Variants in TUBB1 observed in about 807,000 individuals in gnomAD.
The protein encoded by TUBB1 is tubulin beta 1 class VI.
Under a neutral mutation model 22.6 loss-of-function variants are expected in TUBB1, and 28 were observed. That is an observed-to-expected ratio of 1.24 (90% CI 0.92 to 1.70). The LOEUF is 1.70. Ranked by LOEUF, TUBB1 falls within the 40% of genes most tolerant of loss-of-function variation. The probability of loss-of-function intolerance (pLI) is 0.00; values close to 1 mark genes in which losing one functional copy is unlikely to be tolerated. For synonymous variants in TUBB1, 226 were observed against 238.0 expected (o/e 0.95, Z 0.46); for missense variants, 577 against 605.5 (o/e 0.95, Z 0.49).
chr20:59,020,302 A>G (rs2091962078), intron 1 of TUBB1, among the ~76,000 whole-genome samples: 1 of 152,208 alleles, frequency 6.6e-6, no homozygotes, highest in Non-Finnish European at 1.5e-5. Flanking sequence ...CTCCTGCCTC[A>G]GCCTCCCCAG....
chr20:59,024,511 A>G lies in TUBB1; in HGVS notation c.1084A>G (p.Ser362Gly). 1 of 1,614,182 alleles carries G rather than the reference A, an allele frequency of 6.2e-7. No individual in the cohort carries two copies. The highest frequency in any genetic ancestry group is 8.5e-7 in the Non-Finnish European group (1 of 1,180,040). The change falls in exon 4 of 4, where the codon AGC (serine) becomes GGC (glycine). Residue 362 changes from serine to glycine, a missense_variant. Physicochemically the swap from Ser to Gly is moderately conservative, Grantham distance 56 (BLOSUM62 0). Coordinates refer to ENST00000217133, the MANE Select transcript of TUBB1 (RefSeq NM_030773.4). The surrounding 1 kb of genome is among the most constrained non-coding windows in gnomAD (Gnocchi z 4.9). ...AVCDIPPRGL[S>G]MAATFIGNNT... ...CTGCGACATCCCGCCCCGGGGGCTG[A>G]GCATGGCCGCCACCTTCATTGGCAA...
chr20:59,024,881 C>A lies in TUBB1; in HGVS notation c.*98C>A. 1 of 1,075,712 alleles carries A rather than the reference C, an allele frequency of 9.3e-7. No individual in the cohort carries two copies. The highest frequency in any genetic ancestry group is 1.4e-6 in the Non-Finnish European group (1 of 705,630). 66.6% of individuals were successfully genotyped at this position (1,075,712 alleles called of 1,614,324 possible). On this transcript the variant is annotated 3_prime_UTR_variant, in exon 4 of 4. Coordinates refer to ENST00000217133, the MANE Select transcript of TUBB1 (RefSeq NM_030773.4). The surrounding 1 kb of genome is among the most constrained non-coding windows in gnomAD (Gnocchi z 4.9). ...CTCCAAAACCCACTCTGCACTGCAG[C>A]ACAGTGAATGATATGCACTCACCAT...
In TUBB1 at chr20:59,025,442, A is replaced by C. The variant is rs980437742; in HGVS notation, c.*659A>C. 4 of 153,268 alleles carry C rather than the reference A, an allele frequency of 2.6e-5. No individual in the cohort carries two copies. The highest frequency in any genetic ancestry group is 9.6e-5 in the African/African-American group (4 of 41,478). The allele number at this position is 153,268 out of a possible 1,614,324, so 9.5% of individuals were successfully genotyped here. A position where few individuals can be genotyped will look rare whatever the true frequency, so the allele number is the denominator to read the frequency against. On this transcript the variant is annotated 3_prime_UTR_variant, in exon 4 of 4. Transcript: ENST00000217133. Reference sequence around the variant, plus strand: ...TCCACAAAAATACCTGGTCCAAACAAGAAAAACAAAAAGACAAGCAAAACT... The same window carrying C: ...TCCACAAAAATACCTGGTCCAAACACGAAAAACAAAAAGACAAGCAAAACT...
rs1172387434 is a variant in TUBB1 at position 59,026,624 on chromosome 20, G to C, written c.*1841G>C. The C allele has an allele frequency of 6.6e-6, 1 of 152,148 alleles. No individual in the cohort carries two copies. Among genetic ancestry groups the C allele is most frequent in the Admixed American group, 6.5e-5 (1 of 15,276 alleles). 9.4% of individuals were successfully genotyped at this position (152,148 alleles called of 1,614,324 possible). A position where few individuals can be genotyped will look rare whatever the true frequency, so the allele number is the denominator to read the frequency against. On this transcript the variant is annotated 3_prime_UTR_variant, in exon 4 of 4. Transcript: ENST00000217133. ...TAAATGGCAAAATTGCTTTATTTCAGACTAAATAAATTCCTTTTCTTGAAG... is the reference window on the plus strand; with the variant it reads ...TAAATGGCAAAATTGCTTTATTTCACACTAAATAAATTCCTTTTCTTGAAG...
At position 59,024,591 on chromosome 20, in the gene TUBB1, G is replaced by A; in HGVS notation, c.1164G>A (p.Met388Ile). 1 of 1,614,156 alleles carries A rather than the reference G, an allele frequency of 6.2e-7. No individual in the cohort carries two copies. Among genetic ancestry groups the A allele is most frequent in the Non-Finnish European group, 8.5e-7 (1 of 1,180,026 alleles). ...FNRVSEHFSAMFKRKAFVHWY... is the reference protein window; with the variant it reads ...FNRVSEHFSAIFKRKAFVHWY... ...GGGTCTCTGAGCATTTCTCAGCCAT[G>A]TTCAAAAGGAAAGCTTTTGTGCACT... The change falls in exon 4 of 4, where the codon ATG becomes ATA. Residue 388 changes from methionine to isoleucine, a missense_variant. Coordinates refer to ENST00000217133, the MANE Select transcript of TUBB1 (RefSeq NM_030773.4). The surrounding 1 kb of genome is among the most constrained non-coding windows in gnomAD (Gnocchi z 4.9).
At chr20:59,018,784 T>C (rs1175200203), upstream of TUBB1, among the ~76,000 whole-genome samples, 1 of 152,192 alleles carries the variant, frequency 6.6e-6, no homozygotes, top group Non-Finnish European at 1.5e-5. Flanking sequence ...ATGGCAAACA[T>C]TAAGACCCCA....
In TUBB1 at chr20:59,025,080, A is replaced by G. The variant is rs2091988251; in HGVS notation, c.*297A>G. Reference sequence around the variant, plus strand: ...CTTTGTTTCAAAGTGTTTGCCAGGCATCCAGACTACACGTGTGGATTTGCA... The same window carrying G: ...CTTTGTTTCAAAGTGTTTGCCAGGCGTCCAGACTACACGTGTGGATTTGCA... On this transcript the variant is annotated 3_prime_UTR_variant, in exon 4 of 4. Transcript: ENST00000217133. 1 of 429,326 alleles carries G rather than the reference A, an allele frequency of 2.3e-6. No homozygotes were observed. The highest frequency in any genetic ancestry group is 4.7e-5 in the East Asian group (1 of 21,166). The allele number at this position is 429,326 out of a possible 1,614,324, so 26.6% of individuals were successfully genotyped here.
rs1006626057 is a variant in TUBB1 at position 59,024,337 on chromosome 20, G to A, written c.910G>A (p.Asp304Asn). 2 of 1,613,782 alleles carry A rather than the reference G, an allele frequency of 1.2e-6. No homozygotes were observed. The highest frequency in any genetic ancestry group is 1.7e-6 in the Non-Finnish European group (2 of 1,179,780). The change falls in exon 4 of 4, where the codon GAC (aspartate) becomes AAC (asparagine). Residue 304 changes from aspartate to asparagine, a missense_variant. Coordinates refer to ENST00000217133, the MANE Select transcript of TUBB1 (RefSeq NM_030773.4). The surrounding 1 kb of genome is among the most constrained non-coding windows in gnomAD (Gnocchi z 4.9). ...FDARNTMAAC[D>N]LRRGRYLTVA... is the part of the protein sequence containing the mutation. ...TGCCCGCAATACCATGGCTGCCTGTGACCTCCGCCGTGGCCGCTACCTCAC... is the reference window on the plus strand; with the variant it reads ...TGCCCGCAATACCATGGCTGCCTGTAACCTCCGCCGTGGCCGCTACCTCAC...
At chr20:59,018,710 T>C (rs951238478), upstream of TUBB1, among the ~76,000 whole-genome samples, 8 of 152,184 alleles carry the variant, frequency 5.3e-5, no homozygotes, top group Non-Finnish European at 1.2e-4. Context: ...CACCCGGCTC[T>C]AAGGGAATAC....
intron 2 of TUBB1, 95 bp from the exon 3 acceptor site, chr20:59,023,394 GA>G (rs1315817311): frequency 8.7e-7 from 1 of 1,148,716 alleles, no homozygotes; most frequent in East Asian, 2.3e-5. Flanking sequence ...GAATATCCAT[GA>G]TTTTTTTTGG....
chr20:59,024,871 T>C lies in TUBB1; in HGVS notation c.*88T>C. ...TCCTGCAGCACTCCAAAACCCACTC[T>C]GCACTGCAGCACAGTGAATGATATG... On this transcript the variant is annotated 3_prime_UTR_variant, in exon 4 of 4. Transcript: ENST00000217133. The surrounding 1 kb of genome is among the most constrained non-coding windows in gnomAD (Gnocchi z 4.9). The C allele has an allele frequency of 1.7e-6, 2 of 1,170,676 alleles. No homozygotes were observed. The highest frequency in any genetic ancestry group is 2.5e-5 in the South Asian group (2 of 79,668). The allele number at this position is 1,170,676 out of a possible 1,614,324, so 72.5% of individuals were successfully genotyped here. A position where few individuals can be genotyped will look rare whatever the true frequency, so the allele number is the denominator to read the frequency against.
rs2091977857 is a variant in TUBB1, at chr20:59,023,544, ACAGCATT to A, written c.223_229del (p.Ser75AspfsTer5). ...GTGGACCTAGAACCTGGGACGATGG[ACAGCATT>A]CGATCTAGCAAATTAGGAGCTCTCT... is the stretch of plus-strand genomic sequence containing the variant. On this transcript the variant is annotated frameshift_variant, in exon 3 of 4. Coordinates refer to ENST00000217133, the MANE Select transcript of TUBB1 (RefSeq NM_030773.4). LOFTEE classifies it high-confidence loss of function. The A allele has an allele frequency of 6.2e-7, 1 of 1,614,084 alleles. No individual in the cohort carries two copies. Among genetic ancestry groups the A allele is most frequent in the African/African-American group, 1.3e-5 (1 of 74,916 alleles).
At chr20:59,023,143 C>G (rs534838426) in intron 2 of TUBB1, among the ~76,000 whole-genome samples, 190 bp downstream of exon 2, 1 of 152,152 alleles carries the variant, frequency 6.6e-6, no homozygotes, top group Non-Finnish European at 1.5e-5. Context: ...GGGGAAGGAG[C>G]TGCTGGATAT....
rs2091993191 is a variant in TUBB1 at position 59,026,129 on chromosome 20, A to T, written c.*1346A>T. The T allele has an allele frequency of 6.6e-6, 1 of 152,242 alleles. No individual in the cohort carries two copies. The highest frequency in any genetic ancestry group is 2.4e-5 in the African/African-American group (1 of 41,458). 9.4% of individuals were successfully genotyped at this position (152,242 alleles called of 1,614,324 possible). A position where few individuals can be genotyped will look rare whatever the true frequency, so the allele number is the denominator to read the frequency against. On this transcript the variant is annotated 3_prime_UTR_variant, in exon 4 of 4. Coordinates refer to ENST00000217133, the MANE Select transcript of TUBB1 (RefSeq NM_030773.4). ...CTCTTGATTTGCTTTTGTAATCAGC[A>T]ATAATAAAATAGCAGGTAGATGGAT... is the stretch of plus-strand genomic sequence containing the variant.
chr20:59,022,756 G>A, intron 1 of TUBB1, 89 bp from the exon 2 acceptor site: 1 of 1,221,978 alleles, frequency 8.2e-7, no homozygotes, highest in Non-Finnish European at 1.2e-6. Context: ...GGCAACCAGA[G>A]GGAAACAGGC....
At chr20:59,023,464 T>C in intron 2 of TUBB1, 26 bp from the exon 3 acceptor site, 1 of 1,601,314 alleles carries the variant, frequency 6.2e-7, no homozygotes. Flanking sequence ...ACAAGTAGGC[T>C]GACTTTTTCC....
chr20:59,024,549 C>G lies in TUBB1; in HGVS notation c.1122C>G (p.Ile374Met), dbSNP rs776114449. The G allele has an allele frequency of 6.2e-7, 1 of 1,614,182 alleles. No homozygotes were observed. ...CCTTCATTGGCAACAACACGGCCAT[C>G]CAAGAGATCTTTAATAGGGTCTCTG... Reference protein sequence around the residue: ...AATFIGNNTAIQEIFNRVSEH... With the variant: ...AATFIGNNTAMQEIFNRVSEH... The change falls in exon 4 of 4, where the codon ATC becomes ATG. Residue 374 changes from isoleucine (I) to methionine (M), a missense_variant. Transcript: ENST00000217133. The surrounding 1 kb of genome is among the most constrained non-coding windows in gnomAD (Gnocchi z 4.9).
At chr20:59,023,045 C>A (rs772958999) in intron 2 of TUBB1, 92 bp downstream of exon 2, 27 of 1,194,358 alleles carry the variant, frequency 2.3e-5, no homozygotes, top group Non-Finnish European at 3.2e-5. Flanking sequence ...AATGTCAAAG[C>A]AGTGATGTCT....
In TUBB1 at chr20:59,022,907, G is replaced by A. The variant is rs951303716; in HGVS notation, c.120G>A (p.Ser40=). The A allele has an allele frequency of 1.1e-5, 18 of 1,614,086 alleles. No homozygotes were observed. The highest frequency in any genetic ancestry group is 1.4e-5 in the Non-Finnish European group (17 of 1,180,016). ...TGGCTGGGAGCGACCGCGGGGCCTCGGCCTTGCAGCTGGAGAGAATCAGCG... is the reference window on the plus strand; with the variant it reads ...TGGCTGGGAGCGACCGCGGGGCCTCAGCCTTGCAGCTGGAGAGAATCAGCG... The part of the protein sequence containing the change: ...IDLAGSDRGA[S]ALQLERISVY... The change falls in exon 2 of 4, where the codon TCG becomes TCA. Residue 40 remains serine, a synonymous_variant. Coordinates refer to ENST00000217133, the MANE Select transcript of TUBB1 (RefSeq NM_030773.4).
Sources: gnomAD v4.1 joint callset for allele counts (sites outside exome capture counted in the v4.1 genomes callset) on GRCh38, gnomAD v4.1.1 for gene constraint, Gnocchi (gnomAD v3.1) non-coding constraint, MANE v1.5 for transcripts, NCBI Gene and HGNC (gene_info 2026-07-23, HGNC 2026-07-21) for gene names.